CAPN8: variants seen among roughly 807,000 people sequenced by gnomAD.
The protein encoded by CAPN8 is calpain 8, also known as calpain-8.
In CAPN8, 87 loss-of-function variants were observed where a neutral mutation model predicts 80.9. The ratio of observed to expected loss-of-function variants is 1.07; its 90% CI spans 0.90 to 1.28. The LOEUF (loss-of-function observed/expected upper bound fraction) is 1.28, where lower values mean the gene tolerates loss of function less well. CAPN8 is among the 50% of genes most tolerant of loss of function. The pLI, the probability that CAPN8 is intolerant of heterozygous loss-of-function variation, is 0.00. For synonymous variants in CAPN8, 299 were observed against 273.8 expected (o/e 1.09, Z -0.91); for missense variants, 757 against 702.0 (o/e 1.08, Z -0.89).
intron 2 of CAPN8, among the ~76,000 whole-genome samples, chr1:223,635,087 A>C (rs1308897413): frequency 6.6e-6 from 1 of 152,246 alleles, no homozygotes. Context: ...TATAATGTAA[A>C]GATTTTGACC....
intron 11 of CAPN8, among the ~76,000 whole-genome samples, chr1:223,610,255 G>C (rs80294960): frequency 0.03 from 4,509 of 152,210 alleles, 172 homozygotes; most frequent in African/African-American, 0.089. Context: ...TTCATTCTTG[G>C]TCATCAGACC....
intron 1 of CAPN8, among the ~76,000 whole-genome samples, chr1:223,661,876 G>A (rs1658654396): frequency 1.3e-5 from 2 of 152,146 alleles, no homozygotes; most frequent in Admixed American, 1.3e-4. Context: ...GCCCATGTTT[G>A]TAGCAGCATG....
In CAPN8 at chr1:223,542,648, C is replaced by T. The variant is rs552642403; in HGVS notation, c.2088+460G>A. ...CTGTCGTACAGGGGTGCAGTGTCCA[C>T]GGGGGAAGTACTCTGATTTTTTCTG... On this transcript the variant is annotated intron_variant, in intron 20 of 20. Coordinates refer to ENST00000366872, the MANE Select transcript of CAPN8 (RefSeq NM_001143962.2). Among the ~76,000 whole-genome samples the T allele has an allele frequency of 5.3e-5, 8 of 152,282 alleles. No homozygotes were observed. The South Asian group carries it at 1.0e-3, about 20-fold the overall frequency.
At position 223,616,121 on chromosome 1, in the gene CAPN8, A is replaced by T; in HGVS notation, c.1160T>A (p.Phe387Tyr). 6.4e-7 allele frequency: 1 copy of T among 1,551,664 alleles called. No homozygotes were observed. ...YPATYWTNPQ[F>Y]KIRLDEVDED... ...ATCCACTTCATCCAAACGGATTTTG[A>T]ACTGGGGATTGGTCCAGTACGTGGC... The change falls in exon 10 of 21, where the codon TTC (phenylalanine) becomes TAC (tyrosine). Residue 387 changes from phenylalanine to tyrosine, a missense_variant. Coordinates refer to ENST00000366872, the MANE Select transcript of CAPN8 (RefSeq NM_001143962.2).
At chr1:223,633,931 G>A (rs931726534) in intron 2 of CAPN8, among the ~76,000 whole-genome samples, 13 of 152,178 alleles carry the variant, frequency 8.5e-5, no homozygotes, top group African/African-American at 2.9e-4. Context: ...TCAGACATCA[G>A]AAACCCTACA....
At chr1:223,637,428 C>T (rs1472332570) in intron 2 of CAPN8, among the ~76,000 whole-genome samples, 3 of 152,150 alleles carry the variant, frequency 2.0e-5, no homozygotes, top group Non-Finnish European at 4.4e-5. Context: ...GCTCCTGTCA[C>T]CTGCTCCCCT....
Position 223,544,848 on chromosome 1 carries a change from C to T in CAPN8, c.1836G>A (p.Glu612=). 6.4e-7 allele frequency: 1 copy of T among 1,551,674 alleles called. No individual in the cohort carries two copies. The highest frequency in any genetic ancestry group is 8.7e-7 in the Non-Finnish European group (1 of 1,147,004). Residue 612 remains glutamate, a splice_region_variant and synonymous_variant, in exon 18 of 21, where the codon GAG becomes GAA. Transcript: ENST00000366872. The stretch of plus-strand genomic sequence containing the variant: ...GGTTATAATCAGTTTCCCAATAGAT[C>T]TCCTAAAGCAGGAAAGAAATCCCAA... ...TLWLKIQKYL[E]IYWETDYNHS...
At chr1:223,659,092 C>T (rs1658571404) in intron 1 of CAPN8, among the ~76,000 whole-genome samples, 1 of 152,178 alleles carries the variant, frequency 6.6e-6, no homozygotes, top group African/African-American at 2.4e-5. Context: ...TCAAAACACT[C>T]CATAAATACA....
At chr1:223,665,380 T>G in intron 1 of CAPN8, 30 bp downstream of exon 1, 1 of 1,530,954 alleles carries the variant, frequency 6.5e-7, no homozygotes, top group Non-Finnish European at 8.9e-7. Context: ...CCACCTTGTA[T>G]GTCACTCAAC....
At position 223,646,853 on chromosome 1, in the gene CAPN8, G is replaced by C. The variant is rs149873630; in HGVS notation, c.307+7477C>G. 5.1e-3 allele frequency among the ~76,000 whole-genome samples: 779 copies of C among 152,260 alleles called. 6 individuals carry two copies. The highest frequency in any genetic ancestry group is 0.018 in the African/African-American group (758 of 41,526). On this transcript the variant is annotated intron_variant, in intron 2 of 20. Transcript: ENST00000366872. Reference sequence around the variant, plus strand: ...GTCCTAACACTGGGGTCTGTGAAAGGTGTTAAAATAATTATCGCCTAGAAC... The same window carrying C: ...GTCCTAACACTGGGGTCTGTGAAAGCTGTTAAAATAATTATCGCCTAGAAC...
At chr1:223,657,245 A>G (rs1571742805) in intron 1 of CAPN8, among the ~76,000 whole-genome samples, 1 of 152,228 alleles carries the variant, frequency 6.6e-6, no homozygotes, top group East Asian at 1.9e-4. Context: ...TGCAGCTGCA[A>G]ATGTTCACCC....
At chr1:223,618,072 T>A in intron 9 of CAPN8, 1 of 667,694 alleles carries the variant, frequency 1.5e-6, no homozygotes, top group East Asian at 2.8e-5. Context: ...AGCTCTGTCA[T>A]GAGAAGAAAG....
intron 1 of CAPN8, among the ~76,000 whole-genome samples, chr1:223,660,586 A>T (rs1658617645): frequency 6.6e-6 from 1 of 152,268 alleles, no homozygotes; most frequent in South Asian, 2.1e-4. Flanking sequence ...TTGCTTATGA[A>T]TAGGCAGAAA....
intron 2 of CAPN8, chr1:223,644,012 G>T: frequency 5.2e-6 from 1 of 192,754 alleles, no homozygotes. Flanking sequence ...TAACATAAGG[G>T]TAATCAAAAC....
intron 3 of CAPN8, 48 bp from the exon 4 acceptor site, chr1:223,628,190 T>C: frequency 6.7e-7 from 1 of 1,503,016 alleles, no homozygotes; most frequent in South Asian, 1.3e-5. Flanking sequence ...AGCAGATGTG[T>C]AAAGGGAGTC....
intron 9 of CAPN8, chr1:223,618,412 T>C (rs904659574): frequency 8.1e-7 from 1 of 1,233,448 alleles, no homozygotes; most frequent in Admixed American, 2.1e-5. Flanking sequence ...TGAGTCCCCA[T>C]GACACGCATG....
At chr1:223,644,899 G>C (rs1279887391) in intron 2 of CAPN8, among the ~76,000 whole-genome samples, 4 of 152,158 alleles carry the variant, frequency 2.6e-5, no homozygotes, top group African/African-American at 9.7e-5. Context: ...TATTAGTCAG[G>C]GTTCTCTAGA....
chr1:223,610,027 G>A (rs1393288552), intron 11 of CAPN8, among the ~76,000 whole-genome samples: 1 of 152,224 alleles, frequency 6.6e-6, no homozygotes, highest in Admixed American at 6.5e-5. Flanking sequence ...GTGGGAGGCT[G>A]TTGGTGCATG....
intron 7 of CAPN8, among the ~76,000 whole-genome samples, chr1:223,621,365 T>A (rs570269979): frequency 6.6e-6 from 1 of 151,896 alleles, no homozygotes; most frequent in Non-Finnish European, 1.5e-5. Flanking sequence ...CCAGGTTGCA[T>A]CTCCAGCTGG....
Sources: gnomAD v4.1 joint callset for allele counts (sites outside exome capture counted in the v4.1 genomes callset) on GRCh38, gnomAD v4.1.1 for gene constraint, MANE v1.5 for transcripts, NCBI Gene and HGNC (gene_info 2026-07-23, HGNC 2026-07-21) for gene names.